The following RIOK3 variants were observed in gnomAD, a reference collection of about 807,000 sequenced individuals.
The protein encoded by RIOK3 is RIO kinase 3.
A neutral mutation model predicts 63.5 loss-of-function variants in RIOK3; 40 were observed. That is an observed-to-expected ratio of 0.63 (90% CI 0.49 to 0.82). The LOEUF (loss-of-function observed/expected upper bound fraction) is 0.82, where lower values mean the gene tolerates loss of function less well. Among genes scored for constraint, RIOK3 ranks in the 40% least tolerant of loss-of-function variants. RIOK3 has a pLI of 0.00. For synonymous variants in RIOK3, 193 were observed against 205.0 expected, an observed-to-expected ratio of 0.94 and a Z score of 0.50; for missense variants, 557 against 637.0, an observed-to-expected ratio of 0.87 and a Z score of 1.35.
At chr18:23,466,508 G>T (rs1212284535) in intron 6 of RIOK3, among the ~76,000 whole-genome samples, 3 of 151,728 alleles carry the variant, frequency 2.0e-5, no homozygotes, top group Non-Finnish European at 2.9e-5. Context: ...GAACAGCCCA[G>T]GCAACATAAT....
chr18:23,455,603 A>G (rs12605966), intron 1 of RIOK3, among the ~76,000 whole-genome samples: 23,766 of 151,324 alleles, frequency 0.16, 2,938 homozygotes, highest in East Asian at 0.34. Context: ...GTGTTAGCCA[A>G]GATGGTCTCG....
intron 9 of RIOK3, 151 bp from the exon 10 acceptor site, chr18:23,476,855 T>G: frequency 3.4e-6 from 2 of 580,334 alleles, no homozygotes; most frequent in Non-Finnish European, 6.1e-6. Flanking sequence ...GAGCTTGCAG[T>G]GAGCTGAGAT....
chr18:23,473,315 A>G (rs2057468105), intron 7 of RIOK3, 114 bp from the exon 8 acceptor site: 1 of 621,376 alleles, frequency 1.6e-6, no homozygotes, highest in East Asian at 2.9e-5. Context: ...AAAAAACAAG[A>G]CTTGACACTG....
In RIOK3 at chr18:23,482,770, T is replaced by C. The variant is rs905699837; in HGVS notation, c.*1491T>C. The C allele has an allele frequency of 6.6e-6, 1 of 152,212 alleles. No individual in the cohort carries two copies. Among genetic ancestry groups the C allele is most frequent in the Non-Finnish European group, 1.5e-5 (1 of 68,032 alleles). The allele number at this position is 152,212 out of a possible 1,614,324, so 9.4% of individuals were successfully genotyped here. The stretch of plus-strand genomic sequence containing the variant: ...GTAATAGAAAGTAAAAATCTAGACA[T>C]CATTTACATTTGAGAAAGCTGTTTT... On this transcript the variant is annotated 3_prime_UTR_variant, in exon 13 of 13. Transcript: ENST00000339486.
At chr18:23,467,314 CAAAAA>C (rs369789772) in intron 6 of RIOK3, 80 bp from the exon 7 acceptor site, 4 of 1,083,376 alleles carry the variant, frequency 3.7e-6, no homozygotes, top group Non-Finnish European at 5.1e-6. Context: ...GACTCCGTCT[CAAAAA>C]AAAAAAGTTA....
At chr18:23,477,333 C>G in intron 11 of RIOK3, 65 bp downstream of exon 11, 1 of 1,233,480 alleles carries the variant, frequency 8.1e-7, no homozygotes, top group Non-Finnish European at 1.2e-6. Context: ...TTTTCTCACT[C>G]CTAAGATAAG....
chr18:23,480,580 CACACACACACAT>C (rs1375502028), intron 12 of RIOK3, among the ~76,000 whole-genome samples: 145 of 151,822 alleles, frequency 9.6e-4, no homozygotes, highest in Non-Finnish European at 1.6e-3. Flanking sequence ...CACACACACA[CACACACACACAT>C]AGTAATTTCA....
Position 23,481,427 on chromosome 18 carries a change from T to A in RIOK3, c.*148T>A, listed in dbSNP as rs1801991. The A allele has an allele frequency of 0.012, 6,475 of 541,220 alleles. 325 individuals carry two copies. The highest frequency in any genetic ancestry group is 0.11 in the African/African-American group (5,799 of 50,966). 33.5% of individuals were successfully genotyped at this position (541,220 alleles called of 1,614,324 possible). A position where few individuals can be genotyped will look rare whatever the true frequency, so the allele number is the denominator to read the frequency against. ...TCCCCCTTGTAACCCATGTGCCAGA[T>A]GTGTGGAATTTTTAGCTCAGCATTG... On this transcript the variant is annotated 3_prime_UTR_variant, in exon 13 of 13. Coordinates refer to ENST00000339486, the MANE Select transcript of RIOK3 (RefSeq NM_003831.5).
rs761229779 is a variant in RIOK3 at position 23,463,064 on chromosome 18, T to C, written c.164T>C (p.Val55Ala). The change falls in exon 2 of 13, where the codon GTT (valine) becomes GCT (alanine). Residue 55 changes from valine to alanine, a missense_variant. Physicochemically the swap from Val to Ala is moderately conservative, Grantham distance 64 (BLOSUM62 0). Around this residue, in one of 3 missense-constraint regions of RIOK3, gnomAD observed 243 missense variants for 275.4 expected, o/e 0.88. Transcript: ENST00000339486. Reference protein sequence around the residue: ...KELQLEEEAAVFPEVAVAEGP... With the variant: ...KELQLEEEAAAFPEVAVAEGP... ...TTGCAGTTAGAAGAAGAAGCTGCCG[T>C]TTTTCCTGAAGTTGCGTAAGTAAAA... 4 of 1,606,902 alleles carry C rather than the reference T, an allele frequency of 2.5e-6. No homozygotes were observed. The Admixed American group carries it at 6.8e-5, about 27-fold the overall frequency.
chr18:23,475,936 T>G (rs2057487177), intron 9 of RIOK3, among the ~76,000 whole-genome samples: 1 of 143,236 alleles, frequency 7.0e-6, no homozygotes, highest in Non-Finnish European at 1.5e-5. Flanking sequence ...TATAGTTTTT[T>G]GGGGCTTTTT....
At position 23,475,087 on chromosome 18, in the gene RIOK3, G is replaced by A; in HGVS notation, c.1153G>A (p.Ala385Thr). 6.2e-7 allele frequency: 1 copy of A among 1,611,882 alleles called. No individual in the cohort carries two copies. Among genetic ancestry groups the A allele is most frequent in the East Asian group, 2.2e-5 (1 of 44,844 alleles). Reference protein sequence around the residue: ...VKLNSEEMKEAYYQTLHLMRQ... With the variant: ...VKLNSEEMKETYYQTLHLMRQ... ...GCTCAATAGTGAAGAAATGAAAGAA[G>A]CCTACTATCAAACTCTTCATGTAAG... The change falls in exon 9 of 13, where the codon GCC becomes ACC. Residue 385 changes from alanine (A) to threonine (T), a missense_variant. Physicochemically the swap from Ala to Thr is moderately conservative, Grantham distance 58. Around this residue, in one of 3 missense-constraint regions of RIOK3, gnomAD observed 309 missense variants for 338.7 expected, o/e 0.91. Coordinates refer to ENST00000339486, the MANE Select transcript of RIOK3 (RefSeq NM_003831.5).
chr18:23,454,243 A>T (rs904245366), intron 1 of RIOK3, among the ~76,000 whole-genome samples: 5 of 152,196 alleles, frequency 3.3e-5, no homozygotes, highest in South Asian at 2.1e-4. Flanking sequence ...TTGTTCCACA[A>T]ATTAAGGTCG....
chr18:23,483,120 A>G lies in RIOK3; in HGVS notation c.*1841A>G, dbSNP rs1457015248. ...GTGAATGTGCTTTTTAAGAAATTAA[A>G]AAGAGATCATTTTAAAATTGGTTCT... On this transcript the variant is annotated 3_prime_UTR_variant, in exon 13 of 13. Coordinates refer to ENST00000339486, the MANE Select transcript of RIOK3 (RefSeq NM_003831.5). 1.3e-5 allele frequency: 2 copies of G among 152,208 alleles called. No individual in the cohort carries two copies. The highest frequency in any genetic ancestry group is 2.9e-5 in the Non-Finnish European group (2 of 68,032). 9.4% of individuals were successfully genotyped at this position (152,208 alleles called of 1,614,324 possible).
Position 23,481,570 on chromosome 18 carries a change from TTGA to T in RIOK3, c.*296_*298del, listed in dbSNP as rs1303071822. The T allele has an allele frequency of 1.6e-5, 4 of 256,570 alleles. No individual in the cohort carries two copies. Among genetic ancestry groups the T allele is most frequent in the Non-Finnish European group, 1.5e-5 (2 of 136,194 alleles). The allele number at this position is 256,570 out of a possible 1,614,324, so 15.9% of individuals were successfully genotyped here. A position where few individuals can be genotyped will look rare whatever the true frequency, so the allele number is the denominator to read the frequency against. Reference sequence around the variant, plus strand: ...TATGTGACTTGTGGTGTAAAATGTCTTGATGATAATTTTTAAAACTTGGGTAAC... The same window carrying T: ...TATGTGACTTGTGGTGTAAAATGTCTTGATAATTTTTAAAACTTGGGTAAC... On this transcript the variant is annotated 3_prime_UTR_variant, in exon 13 of 13. Coordinates refer to ENST00000339486, the MANE Select transcript of RIOK3 (RefSeq NM_003831.5).
rs571343017 is a variant in RIOK3, at chr18:23,465,352, CAA to C, written c.543+725_543+726del. On this transcript the variant is annotated intron_variant, in intron 5 of 12. Transcript: ENST00000339486. The stretch of plus-strand genomic sequence containing the variant: ...TGCCACTTCACTCCAGCCTGGGCAA[CAA>C]GAGTGAAACTCTGCCTCAAAAAAAC... 1.6e-3 allele frequency among the ~76,000 whole-genome samples: 238 copies of C among 152,110 alleles called. 4 individuals carry two copies. The South Asian group carries it at 0.021, about 13-fold the overall frequency.
At chr18:23,472,069 C>T (rs1048527484) in intron 7 of RIOK3, among the ~76,000 whole-genome samples, 2 of 152,018 alleles carry the variant, frequency 1.3e-5, no homozygotes, top group African/African-American at 4.8e-5. Flanking sequence ...CCCGTCTCTA[C>T]TAAAAATACA....
intron 7 of RIOK3, among the ~76,000 whole-genome samples, chr18:23,472,926 G>A (rs563801803): frequency 1.2e-3 from 186 of 152,314 alleles, no homozygotes; most frequent in Admixed American, 3.4e-3. Context: ...AGTCTTGCCT[G>A]ACCTTTCCAA....
Position 23,474,928 on chromosome 18 carries a change from A to G in RIOK3, c.1014-20A>G. 2.5e-6 allele frequency: 4 copies of G among 1,578,244 alleles called. No homozygotes were observed. Among genetic ancestry groups the G allele is most frequent in the Non-Finnish European group, 3.5e-6 (4 of 1,151,134 alleles). ...CTCTCCTTCTGATCTGTATATTCTG[A>G]ATCATTTCTTTATGTATAGAATGCA... is the stretch of plus-strand genomic sequence containing the variant. On this transcript the variant is annotated intron_variant, in intron 8 of 12. Transcript: ENST00000339486.
Position 23,453,292 on chromosome 18 carries a change from C to T in RIOK3, c.-148C>T, listed in dbSNP as rs1598799290. 1.5e-6 allele frequency: 1 copy of T among 688,172 alleles called. No homozygotes were observed. The highest frequency in any genetic ancestry group is 1.6e-5 in the South Asian group (1 of 62,236). 42.6% of individuals were successfully genotyped at this position (688,172 alleles called of 1,614,324 possible). ...GGGCGGAAGAGGAGAGATCCAGTTC[C>T]GGACGCGGCCGCCGCCGTCGCCGCC... is the stretch of plus-strand genomic sequence containing the variant. On this transcript the variant is annotated 5_prime_UTR_variant, in exon 1 of 13. Coordinates refer to ENST00000339486, the MANE Select transcript of RIOK3 (RefSeq NM_003831.5).
Sources: gnomAD v4.1 joint callset for allele counts (sites outside exome capture counted in the v4.1 genomes callset) on GRCh38, gnomAD v4.1.1 for gene constraint, gnomAD v4.1.1 regional missense constraint, MANE v1.5 for transcripts, NCBI Gene and HGNC (gene_info 2026-07-23, HGNC 2026-07-21) for gene names.